The following CNEP1R1 variants were observed in gnomAD, a reference collection of about 807,000 sequenced individuals.
CNEP1R1 encodes nuclear envelope phosphatase-regulatory subunit 1.
A neutral mutation model predicts 22.7 loss-of-function variants in CNEP1R1; 10 were observed. The ratio of observed to expected loss-of-function variants is 0.44; its 90% CI spans 0.27 to 0.75. The LOEUF (loss-of-function observed/expected upper bound fraction) is 0.75. CNEP1R1 is among the 30% of genes least tolerant of loss of function. The pLI, the probability that CNEP1R1 is intolerant of heterozygous loss-of-function variation, is 0.17. For missense variants in CNEP1R1, 73 were observed against 151.5 expected (o/e 0.48, Z 2.72); for synonymous variants, 53 against 50.1 (o/e 1.06, Z -0.25).
rs537987713 is a variant in CNEP1R1, at chr16:50,025,290, G to T, written c.-26G>T. The stretch of plus-strand genomic sequence containing the variant: ...GAAGCTGCGATGCGGACAGGGCAGC[G>T]GCGGTGACCCGAGCTGCCGCCCGAC... On this transcript the variant is annotated 5_prime_UTR_variant, in exon 1 of 6. Coordinates refer to ENST00000427478, the MANE Select transcript of CNEP1R1 (RefSeq NM_001281789.2). The T allele has an allele frequency of 2.8e-6, 4 of 1,426,352 alleles. No individual in the cohort carries two copies. The highest frequency in any genetic ancestry group is 1.5e-5 in the African/African-American group (1 of 67,028). 88.4% of individuals were successfully genotyped at this position (1,426,352 alleles called of 1,614,324 possible).
intron 2 of CNEP1R1, among the ~76,000 whole-genome samples, chr16:50,028,085 G>GTTAC (rs1178129862): frequency 6.6e-6 from 1 of 152,138 alleles, no homozygotes; most frequent in Non-Finnish European, 1.5e-5. Context: ...ATCCTCCCTA[G>GTTAC]TAGCTGAGAT....
In CNEP1R1 at chr16:50,034,354, C is replaced by T. The variant is rs371990757; in HGVS notation, c.336+198C>T. 15 of 540,540 alleles carry T rather than the reference C, an allele frequency of 2.8e-5. No homozygotes were observed. In the African/African-American group the frequency reaches 2.9e-4, roughly 10 times the overall value. The allele number at this position is 540,540 out of a possible 1,614,324, so 33.5% of individuals were successfully genotyped here. ...AGATCCATCTTACAGTCAATGAGAT[C>T]TGACAAATTGGGAGAGTTGACAATT... On this transcript the variant is annotated intron_variant, in intron 5 of 5. Coordinates refer to ENST00000427478, the MANE Select transcript of CNEP1R1 (RefSeq NM_001281789.2).
Position 50,029,736 on chromosome 16 carries a change from G to C in CNEP1R1, c.109G>C (p.Val37Leu). The change falls in exon 3 of 6, where the codon GTG becomes CTG. Residue 37 changes from valine to leucine, a missense_variant. Coordinates refer to ENST00000427478, the MANE Select transcript of CNEP1R1 (RefSeq NM_001281789.2). Reference sequence around the variant, plus strand: ...TTATCTTTCATCAGTGCTTCTTATAGTGGTATCTGTCTGTACAGCTACTGG... The same window carrying C: ...TTATCTTTCATCAGTGCTTCTTATACTGGTATCTGTCTGTACAGCTACTGG... ...ATGRWRMLLI[V>L]VSVCTATGAW... 1 of 1,605,786 alleles carries C rather than the reference G, an allele frequency of 6.2e-7. No homozygotes were observed. The highest frequency in any genetic ancestry group is 8.5e-7 in the Non-Finnish European group (1 of 1,173,678).
chr16:50,027,300 G>T (rs1252064826), intron 2 of CNEP1R1, among the ~76,000 whole-genome samples: 1 of 152,010 alleles, frequency 6.6e-6, no homozygotes, highest in Non-Finnish European at 1.5e-5. Context: ...ACGAGGTCAG[G>T]AGAGCGAGAC....
At chr16:50,028,757 A>T (rs2036208040) in intron 2 of CNEP1R1, among the ~76,000 whole-genome samples, 1 of 152,130 alleles carries the variant, frequency 6.6e-6, no homozygotes, top group Non-Finnish European at 1.5e-5. Flanking sequence ...TAAAACATAC[A>T]TGTGTAATAT....
chr16:50,027,435 G>C (rs1360869177), intron 2 of CNEP1R1, among the ~76,000 whole-genome samples: 1 of 150,728 alleles, frequency 6.6e-6, no homozygotes, highest in African/African-American at 2.4e-5. Context: ...GTGAACCCAG[G>C]AGGCAGAGCT....
intron 3 of CNEP1R1, among the ~76,000 whole-genome samples, 181 bp downstream of exon 3, chr16:50,029,979 A>C (rs1273348674): frequency 6.6e-6 from 1 of 152,238 alleles, no homozygotes; most frequent in Non-Finnish European, 1.5e-5. Context: ...TTGTGAATTA[A>C]GTATGTCTAC....
chr16:50,026,077 ACCC>A (rs2036180259), intron 1 of CNEP1R1: 1 of 414,878 alleles, frequency 2.4e-6, no homozygotes, highest in African/African-American at 2.0e-5. Flanking sequence ...TTTATTTGCA[ACCC>A]TGAAAATGTT....
At position 50,034,242 on chromosome 16, in the gene CNEP1R1, A is replaced by C. The variant is rs1418066984; in HGVS notation, c.336+86A>C. The C allele has an allele frequency of 3.7e-6, 3 of 805,696 alleles. No individual in the cohort carries two copies. The Admixed American group carries it at 6.2e-5, about 17-fold the overall frequency. The allele number at this position is 805,696 out of a possible 1,614,324, so 49.9% of individuals were successfully genotyped here. ...TTAGAAAGGTAGACATTTTATTAGC[A>C]ATAAATTTTCTCTGTGGAATGAATA... On this transcript the variant is annotated intron_variant, in intron 5 of 5. Coordinates refer to ENST00000427478, the MANE Select transcript of CNEP1R1 (RefSeq NM_001281789.2).
At chr16:50,031,555 G>T (rs1346581100) in intron 3 of CNEP1R1, among the ~76,000 whole-genome samples, 6 of 152,212 alleles carry the variant, frequency 3.9e-5, no homozygotes, top group African/African-American at 1.4e-4. Flanking sequence ...ATCTCAGCTA[G>T]TTGAGATCTT....
At chr16:50,025,842 C>G (rs1597115655) in intron 1 of CNEP1R1, 2 of 675,472 alleles carry the variant, frequency 3.0e-6, no homozygotes, top group East Asian at 5.4e-5. Flanking sequence ...TCACCTGTAC[C>G]CCTTCGGAGG....
chr16:50,033,367 A>T (rs1001394814), intron 3 of CNEP1R1, 30 bp from the exon 4 acceptor site: 1 of 1,207,506 alleles, frequency 8.3e-7, no homozygotes, highest in East Asian at 2.4e-5. Context: ...GATTTTTAAC[A>T]TTTTTATATT....
Position 50,035,678 on chromosome 16 carries a change from T to C in CNEP1R1, c.*220T>C, listed in dbSNP as rs1218497350. 8.2e-6 allele frequency: 4 copies of C among 490,376 alleles called. No individual in the cohort carries two copies. Among genetic ancestry groups the C allele is most frequent in the African/African-American group, 5.9e-5 (3 of 50,558 alleles). The allele number at this position is 490,376 out of a possible 1,614,324, so 30.4% of individuals were successfully genotyped here. On this transcript the variant is annotated 3_prime_UTR_variant, in exon 6 of 6. Coordinates refer to ENST00000427478, the MANE Select transcript of CNEP1R1 (RefSeq NM_001281789.2). ...CTGTGTTTCAGTATTAGTGTCACTT[T>C]AGTACTTCAGATCCTGCAAATATTT... is the stretch of plus-strand genomic sequence containing the variant.
chr16:50,034,946 T>C (rs1213266719), intron 5 of CNEP1R1, among the ~76,000 whole-genome samples: 3 of 152,246 alleles, frequency 2.0e-5, no homozygotes, highest in Non-Finnish European at 4.4e-5. Context: ...TAAGGGTGTC[T>C]CACAATTTTG....
intron 5 of CNEP1R1, 52 bp downstream of exon 5, chr16:50,034,208 T>G (rs1336269697): frequency 1.5e-6 from 2 of 1,353,928 alleles, no homozygotes; most frequent in Admixed American, 4.0e-5. Context: ...AACACTGAAA[T>G]TTTTGGCTTT....
chr16:50,027,412 G>A (rs1273146443), intron 2 of CNEP1R1, among the ~76,000 whole-genome samples: 1 of 151,600 alleles, frequency 6.6e-6, no homozygotes, highest in African/African-American at 2.4e-5. Flanking sequence ...GGAGGCTGAG[G>A]CAGGAGAATG....
chr16:50,025,257 G>T lies in CNEP1R1; in HGVS notation c.-59G>T. ...GGAGTTGGCGCTGCGGGCCGGGCGG[G>T]GGCCGCGGAAGCTGCGATGCGGACA... On this transcript the variant is annotated 5_prime_UTR_variant, in exon 1 of 6. Coordinates refer to ENST00000427478, the MANE Select transcript of CNEP1R1 (RefSeq NM_001281789.2). 7.2e-7 allele frequency: 1 copy of T among 1,384,066 alleles called. No individual in the cohort carries two copies. The highest frequency in any genetic ancestry group is 9.3e-7 in the Non-Finnish European group (1 of 1,074,234). The allele number at this position is 1,384,066 out of a possible 1,614,324, so 85.7% of individuals were successfully genotyped here.
At chr16:50,026,034 TC>T (rs2144270260) in intron 1 of CNEP1R1, 1 of 441,424 alleles carries the variant, frequency 2.3e-6, no homozygotes, top group East Asian at 3.4e-5. Flanking sequence ...AGTTCTTGGT[TC>T]CCAGAGAGCT....
chr16:50,025,445 A>T, intron 1 of CNEP1R1, 105 bp downstream of exon 1: 1 of 1,262,492 alleles, frequency 7.9e-7, no homozygotes, highest in South Asian at 1.6e-5. Flanking sequence ...GAGGCCGCAG[A>T]GGATGGAGCT....
Sources: allele counts gnomAD v4.1 joint callset (sites outside exome capture counted in the v4.1 genomes callset), GRCh38; gene constraint gnomAD v4.1.1; transcripts MANE v1.5; gene names NCBI Gene and HGNC (gene_info 2026-07-23, HGNC 2026-07-21).